Variants in TFDP2 observed in about 807,000 individuals in gnomAD.
The protein encoded by TFDP2 is transcription factor Dp-2, also known as transcription factor Dp-2 (E2F dimerization partner 2).
In TFDP2, 17 loss-of-function variants were observed where a neutral mutation model predicts 59.3. That is an observed-to-expected ratio of 0.29 (90% confidence interval 0.20 to 0.43). The LOEUF (loss-of-function observed/expected upper bound fraction) is 0.43. Ranked by LOEUF, TFDP2 falls within the 20% of genes least tolerant of loss-of-function variation. The pLI is 1.00. For synonymous variants in TFDP2, 180 were observed against 194.7 expected (o/e 0.92, Z 0.63); for missense variants, 391 against 528.8 (o/e 0.74, Z 2.56).
chr3:142,018,835 G>T (rs1239092032), intron 3 of TFDP2, among the ~76,000 whole-genome samples: 3 of 150,842 alleles, frequency 2.0e-5, no homozygotes, highest in Non-Finnish European at 4.4e-5. Context: ...TTAATATATT[G>T]TTATGAGTAT....
chr3:141,961,824 G>C (rs1214446923), intron 10 of TFDP2, among the ~76,000 whole-genome samples: 1 of 152,132 alleles, frequency 6.6e-6, no homozygotes, highest in Non-Finnish European at 1.5e-5. Flanking sequence ...TGCAGTCCTG[G>C]CTACTAGGAA....
intron 3 of TFDP2, among the ~76,000 whole-genome samples, chr3:142,048,389 G>C (rs572489905): frequency 8.3e-4 from 125 of 150,592 alleles, no homozygotes; most frequent in South Asian, 1.5e-3. Context: ...CTCCAGTCTG[G>C]ATGACAGAGA....
intron 3 of TFDP2, among the ~76,000 whole-genome samples, chr3:142,012,373 G>C (rs554114961): frequency 1.4e-4 from 21 of 152,268 alleles, no homozygotes; most frequent in Admixed American, 1.4e-3. Flanking sequence ...TTGCCTAAGT[G>C]GCAAGCTAAT....
chr3:142,095,599 A>T (rs1253158066), intron 2 of TFDP2, among the ~76,000 whole-genome samples: 1 of 152,246 alleles, frequency 6.6e-6, no homozygotes, highest in African/African-American at 2.4e-5. Flanking sequence ...AACTTTGTCC[A>T]GCTTCTTATC....
chr3:142,071,551 CTG>C (rs1365225223), intron 3 of TFDP2, among the ~76,000 whole-genome samples: 1 of 152,148 alleles, frequency 6.6e-6, no homozygotes, highest in Non-Finnish European at 1.5e-5. Flanking sequence ...TTGTGCAGAT[CTG>C]TGTTTGAGAA....
chr3:142,078,598 G>C (rs1221682440), intron 3 of TFDP2, among the ~76,000 whole-genome samples: 1 of 152,208 alleles, frequency 6.6e-6, no homozygotes, highest in Non-Finnish European at 1.5e-5. Context: ...CCCTAATGCA[G>C]ATACAGCTGC....
intron 3 of TFDP2, among the ~76,000 whole-genome samples, chr3:142,059,746 A>AT (rs992195553): frequency 2.0e-5 from 3 of 151,926 alleles, no homozygotes; most frequent in Non-Finnish European, 4.4e-5. Flanking sequence ...TGCCCAGCTA[A>AT]TTTTTTTGTC....
At chr3:141,998,471 G>A (rs888997602) in intron 4 of TFDP2, among the ~76,000 whole-genome samples, 1 of 152,030 alleles carries the variant, frequency 6.6e-6, no homozygotes, top group African/African-American at 2.4e-5. Context: ...AAAAAAATCA[G>A]CTGGGTGTTG....
Position 142,005,457 on chromosome 3 carries a change from T to C in TFDP2, c.170A>G (p.Asn57Ser). ...LPKTLGPINV[N>S]VGPQMIISTP... ...TTTTCTTACCATTTGGGGTCCAACA[T>C]TCACATTTATTGGTCCTAAGGTTTT... Residue 57 changes from asparagine (N) to serine (S), a missense_variant, in exon 4 of 13, where the codon AAT (asparagine) becomes AGT (serine). This residue lies in a region of TFDP2 where 162 missense variants were observed against 206.8 expected (regional missense o/e 0.78). Transcript: ENST00000489671. 1.2e-6 allele frequency: 2 copies of C among 1,608,080 alleles called. No individual in the cohort carries two copies. The highest frequency in any genetic ancestry group is 1.7e-6 in the Non-Finnish European group (2 of 1,176,838).
intron 1 of TFDP2, among the ~76,000 whole-genome samples, chr3:142,120,838 C>T (rs1408144462): frequency 6.6e-6 from 1 of 152,102 alleles, no homozygotes; most frequent in Non-Finnish European, 1.5e-5. Flanking sequence ...AACCCCATGG[C>T]ACTATTCATT....
At chr3:141,992,041 C>CAAAAAAAAAAAAA (rs563215187) in intron 6 of TFDP2, among the ~76,000 whole-genome samples, 1 of 44,140 alleles carries the variant, frequency 2.3e-5, no homozygotes, top group Non-Finnish European at 4.2e-5. Flanking sequence ...GACTCCATCT[C>CAAAAAAAAAAAAA]AAAAAAAAAA....
At chr3:142,099,566 T>A (rs1038358357) in intron 2 of TFDP2, among the ~76,000 whole-genome samples, 2 of 151,846 alleles carry the variant, frequency 1.3e-5, no homozygotes, top group African/African-American at 4.8e-5. Flanking sequence ...CCGGGCATGG[T>A]GCACATGCCT....
At chr3:142,110,219 T>C (rs1451107820) in intron 1 of TFDP2, among the ~76,000 whole-genome samples, 1 of 149,758 alleles carries the variant, frequency 6.7e-6, no homozygotes, top group African/African-American at 2.4e-5. Context: ...AAAAAAAAAA[T>C]GCAGCCAGGC....
chr3:142,017,031 C>G (rs1468312915), intron 3 of TFDP2, among the ~76,000 whole-genome samples: 1 of 152,206 alleles, frequency 6.6e-6, no homozygotes, highest in African/African-American at 2.4e-5. Context: ...CTTCAAGTCT[C>G]CTCTGCCTGT....
At chr3:142,034,308 A>C (rs533178431) in intron 3 of TFDP2, among the ~76,000 whole-genome samples, 2 of 152,092 alleles carry the variant, frequency 1.3e-5, no homozygotes, top group South Asian at 4.2e-4. Flanking sequence ...CATGTTGGTC[A>C]GGCTGGTCTA....
chr3:142,098,404 G>C (rs2061230188), intron 2 of TFDP2, among the ~76,000 whole-genome samples: 2 of 150,266 alleles, frequency 1.3e-5, no homozygotes, highest in Non-Finnish European at 3.0e-5. Context: ...TTTCACCCCA[G>C]ATACAATAAA....
chr3:142,119,668 G>A (rs1247964328), intron 1 of TFDP2, among the ~76,000 whole-genome samples: 2 of 152,038 alleles, frequency 1.3e-5, no homozygotes, highest in East Asian at 3.9e-4. Context: ...TTACAGCCCA[G>A]GAGTTTGAGG....
At chr3:142,026,053 C>T (rs1946057554) in intron 3 of TFDP2, among the ~76,000 whole-genome samples, 1 of 152,184 alleles carries the variant, frequency 6.6e-6, no homozygotes, top group African/African-American at 2.4e-5. Flanking sequence ...GGCTCACGCC[C>T]ATAATCCCAG....
chr3:142,033,750 T>C (rs1013249816), intron 3 of TFDP2, among the ~76,000 whole-genome samples: 1 of 152,150 alleles, frequency 6.6e-6, no homozygotes, highest in African/African-American at 2.4e-5. Flanking sequence ...TTTGTTTAGT[T>C]ATAAGGGACA....
Sources: allele counts gnomAD v4.1 joint callset (sites outside exome capture counted in the v4.1 genomes callset), GRCh38; gene constraint gnomAD v4.1.1; regional missense constraint gnomAD v4.1.1; transcripts MANE v1.5; gene names NCBI Gene and HGNC (gene_info 2026-07-23, HGNC 2026-07-21).